ARHGAP29: variants seen among roughly 807,000 people sequenced by gnomAD.
ARHGAP29 encodes Rho GTPase activating protein 29.
Under a neutral mutation model 122.6 loss-of-function variants are expected in ARHGAP29, and 43 were observed. That is an observed-to-expected ratio of 0.35 (90% CI 0.27 to 0.45). ARHGAP29 has a LOEUF of 0.45. Among genes scored for constraint, ARHGAP29 ranks in the 20% least tolerant of loss-of-function variants. ARHGAP29 has a pLI of 1.00. For missense variants in ARHGAP29, 1,303 were observed against 1,477.2 expected (o/e 0.88, Z 1.93); for synonymous variants, 506 against 497.1 (o/e 1.02, Z -0.24).
At chr1:94,266,957 A>G (rs1467577811) in intron 1 of ARHGAP29, among the ~76,000 whole-genome samples, 2 of 152,360 alleles carry the variant, frequency 1.3e-5, no homozygotes, top group Non-Finnish European at 2.9e-5. Flanking sequence ...TTACTTGCCC[A>G]AGGTCACATG....
chr1:94,205,254 C>A, intron 6 of ARHGAP29, 56 bp from the exon 7 acceptor site: 3 of 1,336,060 alleles, frequency 2.2e-6, no homozygotes, highest in Non-Finnish European at 2.0e-6. Context: ...ATCATAACTC[C>A]AAACAAAGAA....
At chr1:94,258,354 G>A (rs1654439920) in intron 1 of ARHGAP29, among the ~76,000 whole-genome samples, 1 of 152,178 alleles carries the variant, frequency 6.6e-6, no homozygotes, top group Admixed American at 6.5e-5. Context: ...GATTTTTATA[G>A]AACATTTCTG....
At chr1:94,255,800 T>A (rs1654325005) in intron 1 of ARHGAP29, among the ~76,000 whole-genome samples, 2 of 152,224 alleles carry the variant, frequency 1.3e-5, no homozygotes, top group South Asian at 4.1e-4. Context: ...CCTGGTCTCT[T>A]CATTTGTATC....
At chr1:94,203,443 G>T (rs545077591) in intron 8 of ARHGAP29, among the ~76,000 whole-genome samples, 17 of 152,282 alleles carry the variant, frequency 1.1e-4, no homozygotes, top group Non-Finnish European at 1.9e-4. Context: ...GTATAAAATT[G>T]TAAATTTCTG....
intron 2 of ARHGAP29, among the ~76,000 whole-genome samples, chr1:94,226,758 T>C (rs1212900785): frequency 1.3e-5 from 2 of 151,796 alleles, no homozygotes; most frequent in Non-Finnish European, 3.0e-5. Flanking sequence ...CAAAGATTCA[T>C]TTCATAACTT....
Position 94,197,071 on chromosome 1 carries a change from T to C in ARHGAP29, c.1281+4649A>G, listed in dbSNP as rs188206105. On this transcript the variant is annotated intron_variant, in intron 12 of 22. Coordinates refer to ENST00000260526, the MANE Select transcript of ARHGAP29 (RefSeq NM_004815.4). Reference sequence around the variant, plus strand: ...AAAAAGAAAAACTGATGAAACTAAATGCTATTTCTTTTTTAAAAAGATAAT... The same window carrying C: ...AAAAAGAAAAACTGATGAAACTAAACGCTATTTCTTTTTTAAAAAGATAAT... 6.4e-3 allele frequency among the ~76,000 whole-genome samples: 979 copies of C among 152,170 alleles called. 11 individuals are homozygous for C. Among genetic ancestry groups the C allele is most frequent in the African/African-American group, 0.023 (944 of 41,512 alleles).
At chr1:94,238,806 T>C (rs1653458186), upstream of ARHGAP29, among the ~76,000 whole-genome samples, 4 of 152,038 alleles carry the variant, frequency 2.6e-5, no homozygotes, top group Admixed American at 2.6e-4. Context: ...TAAGTGAGCA[T>C]GACAGAACCA....
In ARHGAP29 at chr1:94,189,468, C is replaced by T. The variant is rs926490898; in HGVS notation, c.1440-116G>A. On this transcript the variant is annotated intron_variant, in intron 13 of 22. Coordinates refer to ENST00000260526, the MANE Select transcript of ARHGAP29 (RefSeq NM_004815.4). The stretch of plus-strand genomic sequence containing the variant: ...ATTTAACAATCATAGAAGAATTAAA[C>T]TAAATATTAAAAACAAACCACACTC... 9 of 1,255,526 alleles carry T rather than the reference C, an allele frequency of 7.2e-6. No individual in the cohort carries two copies. In the African/African-American group the frequency reaches 1.1e-4, roughly 15 times the overall value. The allele number at this position is 1,255,526 out of a possible 1,614,324, so 77.8% of individuals were successfully genotyped here. A position where few individuals can be genotyped will look rare whatever the true frequency, so the allele number is the denominator to read the frequency against.
At chr1:94,272,170 C>T (rs79651851) in intron 1 of ARHGAP29, among the ~76,000 whole-genome samples, 22 of 152,276 alleles carry the variant, frequency 1.4e-4, no homozygotes, top group East Asian at 9.6e-4. Flanking sequence ...GAGCCACCAA[C>T]GCCTGTTGAA....
chr1:94,256,036 A>G (rs768872772), intron 1 of ARHGAP29, among the ~76,000 whole-genome samples: 1 of 152,242 alleles, frequency 6.6e-6, no homozygotes, highest in Non-Finnish European at 1.5e-5. Flanking sequence ...AGTCTGTGAA[A>G]TATGAATTAT....
intron 19 of ARHGAP29, among the ~76,000 whole-genome samples, chr1:94,182,533 G>T (rs532988091): frequency 6.6e-6 from 1 of 152,150 alleles, no homozygotes; most frequent in African/African-American, 2.4e-5. Flanking sequence ...GGGAAAAAAA[G>T]AAGATTCCAC....
At chr1:94,261,312 A>G (rs1480998868) in intron 1 of ARHGAP29, among the ~76,000 whole-genome samples, 1 of 152,202 alleles carries the variant, frequency 6.6e-6, no homozygotes, top group Non-Finnish European at 1.5e-5. Context: ...ATGTAATTTC[A>G]TCTCCATAAT....
At chr1:94,301,852 T>G in the ARHGAP29 span, among the ~76,000 whole-genome samples, 1 of 151,972 alleles carries the variant, frequency 6.6e-6, no homozygotes, top group South Asian at 2.1e-4. Context: ...TTTCTCTTAC[T>G]CTCTCTCTCT....
intron 1 of ARHGAP29, among the ~76,000 whole-genome samples, chr1:94,252,571 A>AT (rs1356163889): frequency 3.9e-5 from 6 of 152,204 alleles, no homozygotes; most frequent in African/African-American, 1.4e-4. Flanking sequence ...GACCCTGCCC[A>AT]TGCTACCAAG....
the ARHGAP29 span, among the ~76,000 whole-genome samples, chr1:94,312,417 A>G: frequency 1.4e-5 from 2 of 141,276 alleles, no homozygotes; most frequent in Non-Finnish European, 3.0e-5. Context: ...GAATGAACAG[A>G]GATGTCCCCC....
At chr1:94,299,178 T>C in the ARHGAP29 span, among the ~76,000 whole-genome samples, 1 of 152,236 alleles carries the variant, frequency 6.6e-6, no homozygotes, top group Admixed American at 6.5e-5. Flanking sequence ...CCAAAGCTTA[T>C]GTTCTCACCA....
At chr1:94,191,153 T>C (rs972226671) in intron 12 of ARHGAP29, 5 of 152,136 alleles carry the variant, frequency 3.3e-5, no homozygotes, top group African/African-American at 1.2e-4. Context: ...AAAAAAGAAG[T>C]AGTCATCTGA....
rs762094116 is a variant in ARHGAP29, at chr1:94,203,973, A to G, written c.719T>C (p.Met240Thr). 13 of 1,613,790 alleles carry G rather than the reference A, an allele frequency of 8.1e-6. No homozygotes were observed. The African/African-American group carries it at 1.2e-4, about 15-fold the overall frequency. Residue 240 changes from methionine (M) to threonine (T), a missense_variant, in exon 8 of 23, where the codon ATG becomes ACG. Met to Thr is a moderately conservative substitution (Grantham distance 81). This residue lies in a region of ARHGAP29 where 592 missense variants were observed against 648.2 expected (regional missense o/e 0.91). Transcript: ENST00000260526. ...LNLELESTRN[M>T]VKLAEATRTN... ...TCTAGTTGCCTCTGCCAACTTGACC[A>G]TATTTCTAGTGGACTCCAATTCTGA...
At chr1:94,257,004 CAT>C (rs370840445) in intron 1 of ARHGAP29, among the ~76,000 whole-genome samples, 313 of 152,160 alleles carry the variant, frequency 2.1e-3, no homozygotes, top group African/African-American at 7.1e-3. Flanking sequence ...CTTTTTAAAA[CAT>C]AATTCATTCA....
Sources: allele counts gnomAD v4.1 joint callset (sites outside exome capture counted in the v4.1 genomes callset), GRCh38; gene constraint gnomAD v4.1.1; regional missense constraint gnomAD v4.1.1; transcripts MANE v1.5; gene names NCBI Gene and HGNC (gene_info 2026-07-23, HGNC 2026-07-21).